RFX8: variants seen among roughly 807,000 people sequenced by gnomAD.
The protein encoded by RFX8 is regulatory factor X8.
In RFX8, 46 loss-of-function variants were observed where a neutral mutation model predicts 54.6. The observed-to-expected ratio is 0.84, with a 90% CI of 0.67 to 1.08. The LOEUF is 1.08. Among genes scored for constraint, RFX8 ranks in the 50% least tolerant of loss-of-function variants. The pLI is 0.00. For synonymous variants in RFX8, 192 were observed against 209.5 expected (o/e 0.92, Z 0.72); for missense variants, 536 against 562.3 (o/e 0.95, Z 0.47).
chr2:101,436,728 A>C (rs1490227608), intron 2 of RFX8, among the ~76,000 whole-genome samples: 1 of 152,172 alleles, frequency 6.6e-6, no homozygotes, highest in African/African-American at 2.4e-5. Flanking sequence ...CGTGTGTGAG[A>C]ACGCACCCTG....
intron 10 of RFX8, 136 bp downstream of exon 10, chr2:101,405,807 T>TATG (rs1685695046): frequency 2.0e-6 from 1 of 499,466 alleles, no homozygotes; most frequent in Non-Finnish European, 3.5e-6. Flanking sequence ...TATGGTTTGC[T>TATG]GTATCTATGT....
intron 2 of RFX8, among the ~76,000 whole-genome samples, chr2:101,461,262 C>CAAAAAAAAAAAAAAAAAA (rs11350961): frequency 1.6e-4 from 14 of 89,910 alleles, no homozygotes; most frequent in East Asian, 3.3e-4. Flanking sequence ...GACTCCATCT[C>CAAAAAAAAAAAAAAAAAA]AAAAAAAAAA....
chr2:101,402,664 G>GTCC lies in RFX8; in HGVS notation c.1014_1016dup (p.Glu338dup). Reference sequence around the variant, plus strand: ...GTAGCATTTCCTTGACAGTCCCCATGTCCTCCTCCTCCTCTTCCTCCTCTA... The same window carrying GTCC: ...GTAGCATTTCCTTGACAGTCCCCATGTCCTCCTCCTCCTCCTCTTCCTCCTCTA... On this transcript the variant is annotated inframe_insertion, in exon 11 of 12. Transcript: ENST00000428343. 3 of 1,554,926 alleles carry GTCC rather than the reference G, an allele frequency of 1.9e-6. No homozygotes were observed. Among genetic ancestry groups the GTCC allele is most frequent in the Non-Finnish European group, 1.7e-6 (2 of 1,148,474 alleles).
At position 101,412,982 on chromosome 2, in the gene RFX8, AGT is replaced by A. The variant is rs1333588245; in HGVS notation, c.649_650del (p.Thr217PhefsTer2). The A allele has an allele frequency of 5.8e-6, 9 of 1,551,846 alleles. No homozygotes were observed. In the East Asian group the frequency reaches 2.0e-4, roughly 34 times the overall value. On this transcript the variant is annotated frameshift_variant, in exon 8 of 12. Transcript: ENST00000428343. LOFTEE classifies it high-confidence loss of function. ...QAIINQGTLA[T>X]SKKALASDRS... is the part of the protein sequence containing the mutation. The stretch of plus-strand genomic sequence containing the variant: ...GGTCACTTGCCAGGGCTTTCTTAGA[AGT>A]AGCCAAAGTGCCTTGATTGATGATG...
chr2:101,457,736 G>T (rs984229825), intron 2 of RFX8, among the ~76,000 whole-genome samples: 3 of 152,218 alleles, frequency 2.0e-5, no homozygotes, highest in Non-Finnish European at 2.9e-5. Flanking sequence ...GCTTGGTGCA[G>T]AGCTGAGTTT....
At chr2:101,460,717 G>A (rs1281836728) in intron 2 of RFX8, among the ~76,000 whole-genome samples, 2 of 150,676 alleles carry the variant, frequency 1.3e-5, no homozygotes, top group Admixed American at 1.3e-4. Context: ...CTTCTGCTTG[G>A]TTTCATGTTG....
intron 10 of RFX8, among the ~76,000 whole-genome samples, chr2:101,405,074 G>C (rs1390171176): frequency 6.6e-6 from 1 of 151,978 alleles, no homozygotes; most frequent in Non-Finnish European, 1.5e-5. Flanking sequence ...TGGGAAACAA[G>C]AAATACCTTT....
rs1425589331 is a variant in RFX8, at chr2:101,412,993, T to A, written c.640A>T (p.Thr214Ser). The A allele has an allele frequency of 1.3e-6, 2 of 1,551,942 alleles. No individual in the cohort carries two copies. Among genetic ancestry groups the A allele is most frequent in the Admixed American group, 3.9e-5 (2 of 50,982 alleles). Reference protein sequence around the residue: ...SDLQAIINQGTLATSKKALAS... With the variant: ...SDLQAIINQGSLATSKKALAS... Reference sequence around the variant, plus strand: ...AGGGCTTTCTTAGAAGTAGCCAAAGTGCCTTGATTGATGATGGCCTGTAGA... The same window carrying A: ...AGGGCTTTCTTAGAAGTAGCCAAAGAGCCTTGATTGATGATGGCCTGTAGA... Residue 214 changes from threonine to serine, a missense_variant, in exon 8 of 12, where the codon ACT becomes TCT. Thr to Ser is a moderately conservative substitution (Grantham distance 58). Coordinates refer to ENST00000428343, the MANE Select transcript of RFX8 (RefSeq NM_001145664.2).
intron 1 of RFX8, among the ~76,000 whole-genome samples, chr2:101,469,122 A>AC (rs1689825151): frequency 1.7e-5 from 2 of 116,470 alleles, no homozygotes; most frequent in South Asian, 2.6e-4. Context: ...ATATATATAT[A>AC]AGTATATATA....
chr2:101,474,460 G>A, intron 1 of RFX8, 176 bp downstream of exon 1: 1 of 356,636 alleles, frequency 2.8e-6, no homozygotes, highest in Non-Finnish European at 5.0e-6. Flanking sequence ...CGCGGAAGGC[G>A]CGCGGCGAGT....
intron 11 of RFX8, among the ~76,000 whole-genome samples, chr2:101,400,655 G>A (rs115173492): frequency 0.011 from 1,614 of 152,320 alleles, 35 homozygotes; most frequent in African/African-American, 0.037. Flanking sequence ...TTTAACGAGT[G>A]TCACTGCAAG....
chr2:101,413,441 G>A (rs952489953), intron 7 of RFX8, among the ~76,000 whole-genome samples: 5 of 152,158 alleles, frequency 3.3e-5, no homozygotes, highest in African/African-American at 1.2e-4. Flanking sequence ...GAGCGGCTGC[G>A]GGATTCGGAA....
At chr2:101,437,885 C>T (rs1488450091) in intron 2 of RFX8, among the ~76,000 whole-genome samples, 1 of 151,964 alleles carries the variant, frequency 6.6e-6, no homozygotes, top group African/African-American at 2.4e-5. Flanking sequence ...CCACAAACAA[C>T]CACATTCATC....
chr2:101,415,894 C>T (rs1333112827), intron 6 of RFX8, among the ~76,000 whole-genome samples: 3 of 152,212 alleles, frequency 2.0e-5, no homozygotes, highest in Admixed American at 6.5e-5. Flanking sequence ...TTAATCTGGG[C>T]TTTGACGCAT....
intron 4 of RFX8, chr2:101,421,365 G>T: frequency 9.9e-7 from 1 of 1,006,320 alleles, no homozygotes; most frequent in Non-Finnish European, 1.2e-6. Context: ...CAGTTAGCGC[G>T]TATCAATCAA....
chr2:101,450,652 T>C, intron 2 of RFX8: 3 of 1,511,060 alleles, frequency 2.0e-6, no homozygotes, highest in Non-Finnish European at 2.7e-6. Context: ...AAAGAGCTTT[T>C]CTTGATACAG....
chr2:101,430,828 C>T (rs538630583), intron 2 of RFX8, among the ~76,000 whole-genome samples: 1 of 152,224 alleles, frequency 6.6e-6, no homozygotes, highest in African/African-American at 2.4e-5. Flanking sequence ...ATAAATCAAA[C>T]TTAGAATAAA....
In RFX8 at chr2:101,410,730, TAAAC is replaced by T. The variant is rs1686076302; in HGVS notation, c.719-21_719-18del. The T allele has an allele frequency of 7.5e-7, 1 of 1,338,614 alleles. No individual in the cohort carries two copies. The highest frequency in any genetic ancestry group is 1.0e-6 in the Non-Finnish European group (1 of 957,530). 82.9% of individuals were successfully genotyped at this position (1,338,614 alleles called of 1,614,324 possible). ...TTCTTAAACCTACAAAGACACAAAA[TAAAC>T]AAACAAAAGATTGCATGCAGCAGAG... On this transcript the variant is annotated intron_variant, in intron 8 of 11. Coordinates refer to ENST00000428343, the MANE Select transcript of RFX8 (RefSeq NM_001145664.2).
At chr2:101,440,022 A>C (rs1294062003) in intron 2 of RFX8, among the ~76,000 whole-genome samples, 1 of 151,950 alleles carries the variant, frequency 6.6e-6, no homozygotes, top group Non-Finnish European at 1.5e-5. Flanking sequence ...ATTCCTTTTC[A>C]TCAAGTTTGT....
Sources: gnomAD v4.1 joint callset for allele counts (sites outside exome capture counted in the v4.1 genomes callset) on GRCh38, gnomAD v4.1.1 for gene constraint, MANE v1.5 for transcripts, NCBI Gene and HGNC (gene_info 2026-07-23, HGNC 2026-07-21) for gene names.